Variants in KDM5A observed in about 807,000 individuals in gnomAD.
KDM5A encodes lysine-specific demethylase 5A.
A neutral mutation model predicts 193.5 loss-of-function variants in KDM5A; 42 were observed. The ratio of observed to expected loss-of-function variants is 0.22; its 90% CI spans 0.17 to 0.28. The LOEUF is 0.28. Ranked by LOEUF, KDM5A falls within the 10% of genes least tolerant of loss-of-function variation. The pLI is 1.00. For synonymous variants in KDM5A, 796 were observed against 718.1 expected (o/e 1.11, Z -1.73); for missense variants, 1,692 against 2,055.1 (o/e 0.82, Z 3.42).
intron 3 of KDM5A, among the ~76,000 whole-genome samples, chr12:371,060 G>C (rs1194684840): frequency 1.5e-4 from 16 of 108,282 alleles, no homozygotes; most frequent in African/African-American, 4.4e-4. Flanking sequence ...ATTGTGAATA[G>C]TGCCACAATA....
chr12:293,168 T>C lies in KDM5A; in HGVS notation c.4457A>G (p.Asp1486Gly). 6.2e-7 allele frequency: 1 copy of C among 1,611,560 alleles called. No homozygotes were observed. Among genetic ancestry groups the C allele is most frequent in the Non-Finnish European group, 8.5e-7 (1 of 1,178,722 alleles). The change falls in exon 27 of 28, where the codon GAT becomes GGT. Residue 1486 changes from aspartate to glycine, a missense_variant and splice_region_variant. This residue lies in a region of KDM5A where 965 missense variants were observed against 1,061.0 expected (regional missense o/e 0.91). Transcript: ENST00000399788. ...TAGTGGTTTCTCTTCCATGCTGTCA[T>C]CCTTCAAAAATATAAATTTAGGAAC... The part of the protein sequence containing the change: ...SEDRFLHIME[D>G]DSMEEKPLKV...
At chr12:359,161 G>A (rs1944263264) in intron 5 of KDM5A, among the ~76,000 whole-genome samples, 3 of 152,216 alleles carry the variant, frequency 2.0e-5, no homozygotes, top group South Asian at 4.1e-4. Context: ...CAAAAGAACT[G>A]TGGTGCTGGA....
At chr12:354,924 T>C (rs1944212440) in intron 7 of KDM5A, among the ~76,000 whole-genome samples, 2 of 152,092 alleles carry the variant, frequency 1.3e-5, no homozygotes, top group Admixed American at 6.5e-5. Flanking sequence ...ACAGATTCAT[T>C]TTCATGCTCT....
In KDM5A at chr12:309,907, T is replaced by G; in HGVS notation, c.3274A>C (p.Lys1092Gln). Residue 1092 changes from lysine (K) to glutamine (Q), a missense_variant, in exon 22 of 28, where the codon AAA becomes CAA. Lys to Gln is a moderately conservative substitution (Grantham distance 53, BLOSUM62 1). This residue lies in a region of KDM5A where 965 missense variants were observed against 1,061.0 expected (regional missense o/e 0.91). Transcript: ENST00000399788. Reference sequence around the variant, plus strand: ...TCTTTTTCTATTAGTTCTTTTACTTTTTTCCTCCTATTTTTGCCACTCCCA... The same window carrying G: ...TCTTTTTCTATTAGTTCTTTTACTTGTTTCCTCCTATTTTTGCCACTCCCA... Reference protein sequence around the residue: ...VYGSGKNRRKKVKELIEKEKE... With the variant: ...VYGSGKNRRKQVKELIEKEKE... 1 of 1,613,650 alleles carries G rather than the reference T, an allele frequency of 6.2e-7. No homozygotes were observed. The highest frequency in any genetic ancestry group is 8.5e-7 in the Non-Finnish European group (1 of 1,179,904).
At chr12:354,456 G>C (rs1944205901) in intron 7 of KDM5A, among the ~76,000 whole-genome samples, 1 of 152,092 alleles carries the variant, frequency 6.6e-6, no homozygotes, top group South Asian at 2.1e-4. Flanking sequence ...AGTTAATAAA[G>C]GTGTATCAAG....
chr12:308,103 G>C (rs1943535694), intron 22 of KDM5A, 98 bp from the exon 23 acceptor site: 3 of 1,342,952 alleles, frequency 2.2e-6, no homozygotes, highest in Non-Finnish European at 3.1e-6. Flanking sequence ...CAAGTTATCA[G>C]TTATAAACAG....
rs770552870 is a variant in KDM5A, at chr12:349,852, G to A, written c.1308+769C>T. On this transcript the variant is annotated intron_variant, in intron 10 of 27. Coordinates refer to ENST00000399788, the MANE Select transcript of KDM5A (RefSeq NM_001042603.3). ...TTAGTTTTAAAATGCAGAGCTGGCC[G>A]GGCGCAGTGACTCACGCCTGTAATC... Among the ~76,000 whole-genome samples, 81 of 151,980 alleles carry A rather than the reference G, an allele frequency of 5.3e-4. 1 individual carries two copies. Among genetic ancestry groups the A allele is most frequent in the Non-Finnish European group, 9.0e-4 (61 of 67,952 alleles).
chr12:354,271 TAATA>T (rs1944202599), intron 7 of KDM5A, 37 bp from the exon 8 acceptor site: 1 of 1,414,060 alleles, frequency 7.1e-7, no homozygotes, highest in Non-Finnish European at 9.7e-7. Context: ...CTATTTTCTA[TAATA>T]AATAATAAAT....
chr12:378,865 G>A (rs1009926020), intron 3 of KDM5A, among the ~76,000 whole-genome samples: 9 of 151,784 alleles, frequency 5.9e-5, no homozygotes, highest in Admixed American at 4.6e-4. Flanking sequence ...AGGCTGAGGC[G>A]GGAGAATGTC....
chr12:358,031 T>C (rs553109642), intron 5 of KDM5A, among the ~76,000 whole-genome samples: 97 of 152,086 alleles, frequency 6.4e-4, no homozygotes, highest in Admixed American at 1.2e-3. Context: ...TAGAGCTACT[T>C]ACCTCTGAAA....
At chr12:324,356 A>G (rs1012620726) in intron 14 of KDM5A, among the ~76,000 whole-genome samples, 1 of 152,174 alleles carries the variant, frequency 6.6e-6, no homozygotes, top group Non-Finnish European at 1.5e-5. Flanking sequence ...AGAAGGGAAG[A>G]AAATTGTAAT....
chr12:353,068 G>A (rs1038403156), intron 8 of KDM5A, among the ~76,000 whole-genome samples: 13 of 152,144 alleles, frequency 8.5e-5, no homozygotes, highest in African/African-American at 2.2e-4. Context: ...ATCAGGGCCC[G>A]GCACAGTGGC....
At position 388,950 on chromosome 12, in the gene KDM5A, T is replaced by C. The variant is rs1479374937; in HGVS notation, c.142A>G (p.Ile48Val). 4 of 1,614,260 alleles carry C rather than the reference T, an allele frequency of 2.5e-6. No individual in the cohort carries two copies. The highest frequency in any genetic ancestry group is 3.4e-6 in the Non-Finnish European group (4 of 1,180,046). The change falls in exon 1 of 28, where the codon ATC (isoleucine) becomes GTC (valine). Residue 48 changes from isoleucine to valine, a missense_variant. By Grantham distance (29) the Ile-to-Val change is conservative (BLOSUM62 3). Around this residue, in one of 11 missense-constraint regions of KDM5A, gnomAD observed 84 missense variants for 68.2 expected, o/e 1.23. Transcript: ENST00000399788. ...ACCTTGGGCGGCCGAATTTTGCAGATGCCGGTTTTCTCCGCCAAAGGCCGG... is the reference window on the plus strand; with the variant it reads ...ACCTTGGGCGGCCGAATTTTGCAGACGCCGGTTTTCTCCGCCAAAGGCCGG... Reference protein sequence around the residue: ...RIRPLAEKTGICKIRPPKDWQ... With the variant: ...RIRPLAEKTGVCKIRPPKDWQ...
At chr12:367,286 C>T (rs1232657917) in intron 3 of KDM5A, among the ~76,000 whole-genome samples, 1 of 152,158 alleles carries the variant, frequency 6.6e-6, no homozygotes, top group Non-Finnish European at 1.5e-5. Context: ...CATAGTGGCT[C>T]ACATCTGTAA....
At chr12:321,591 G>A (rs995432772) in intron 17 of KDM5A, among the ~76,000 whole-genome samples, 4 of 152,074 alleles carry the variant, frequency 2.6e-5, no homozygotes, top group Non-Finnish European at 5.9e-5. Flanking sequence ...TCTAAGAAAA[G>A]TTATCTAACA....
chr12:371,814 T>C (rs991481108), intron 3 of KDM5A, among the ~76,000 whole-genome samples: 8 of 152,248 alleles, frequency 5.3e-5, no homozygotes, highest in Non-Finnish European at 1.2e-4. Context: ...TTCAGCTTTC[T>C]ACATATGGCT....
chr12:315,511 G>A (rs547049283), intron 19 of KDM5A, among the ~76,000 whole-genome samples: 6 of 152,220 alleles, frequency 3.9e-5, no homozygotes, highest in East Asian at 1.9e-4. Context: ...GGCAGTGGAC[G>A]TTGCCATGAG....
At chr12:358,858 G>A (rs946167864) in intron 5 of KDM5A, among the ~76,000 whole-genome samples, 2 of 152,002 alleles carry the variant, frequency 1.3e-5, no homozygotes, top group Non-Finnish European at 2.9e-5. Flanking sequence ...TATAACCCCA[G>A]CTACTCACAA....
chr12:344,447 C>T (rs1944045027), intron 10 of KDM5A, among the ~76,000 whole-genome samples: 2 of 152,060 alleles, frequency 1.3e-5, no homozygotes, highest in Non-Finnish European at 2.9e-5. Context: ...GAAGAGCAAA[C>T]CCAAGACACA....
Sources: allele counts gnomAD v4.1 joint callset (sites outside exome capture counted in the v4.1 genomes callset), GRCh38; gene constraint gnomAD v4.1.1; regional missense constraint gnomAD v4.1.1; transcripts MANE v1.5; gene names NCBI Gene and HGNC (gene_info 2026-07-23, HGNC 2026-07-21).